The following SH3RF3 variants were observed in gnomAD, a reference collection of about 807,000 sequenced individuals.
The protein encoded by SH3RF3 is E3 ubiquitin-protein ligase SH3RF3.
A neutral mutation model predicts 66.3 loss-of-function variants in SH3RF3; 29 were observed. The ratio of observed to expected loss-of-function variants is 0.44; its 90% CI spans 0.33 to 0.60. SH3RF3 has a LOEUF of 0.60. SH3RF3 is among the 20% of genes least tolerant of loss of function. The pLI is 0.04. For synonymous variants in SH3RF3, 583 were observed against 532.0 expected (o/e 1.10, Z -1.32); for missense variants, 1,194 against 1,190.9 (o/e 1.00, Z -0.04).
chr2:109,350,976 C>T (rs537807926), intron 2 of SH3RF3, among the ~76,000 whole-genome samples: 2 of 152,308 alleles, frequency 1.3e-5, no homozygotes, highest in Non-Finnish European at 2.9e-5. Flanking sequence ...AAGATTTTTA[C>T]CTTTGGTGTT....
chr2:109,360,866 G>A (rs1242012726), intron 2 of SH3RF3, among the ~76,000 whole-genome samples: 1 of 152,118 alleles, frequency 6.6e-6, no homozygotes, highest in Non-Finnish European at 1.5e-5. Flanking sequence ...TAAAAAGCAG[G>A]GGCAGAGAGT....
chr2:109,245,066 T>C (rs939800302), intron 1 of SH3RF3, among the ~76,000 whole-genome samples: 1 of 152,196 alleles, frequency 6.6e-6, no homozygotes, highest in South Asian at 2.1e-4. Flanking sequence ...AGCCTTGTGC[T>C]GAGGGACCCA....
chr2:109,198,071 G>C (rs1214083257), intron 1 of SH3RF3, among the ~76,000 whole-genome samples: 1 of 152,152 alleles, frequency 6.6e-6, no homozygotes, highest in Non-Finnish European at 1.5e-5. Context: ...CAGTGTGTCA[G>C]TTGGGGGTGC....
chr2:109,480,575 G>T (rs369080576), intron 8 of SH3RF3, among the ~76,000 whole-genome samples: 1 of 152,166 alleles, frequency 6.6e-6, no homozygotes, highest in African/African-American at 2.4e-5. Flanking sequence ...AGGAAGTCTC[G>T]CAGGGTAGAG....
intron 4 of SH3RF3, among the ~76,000 whole-genome samples, chr2:109,417,480 C>T (rs982104855): frequency 1.1e-4 from 17 of 152,204 alleles, no homozygotes; most frequent in South Asian, 8.3e-4. Flanking sequence ...TGTTCTCACA[C>T]GGTGCTCAGC....
At chr2:109,187,197 C>T (rs530942265) in intron 1 of SH3RF3, among the ~76,000 whole-genome samples, 1 of 152,342 alleles carries the variant, frequency 6.6e-6, no homozygotes, top group East Asian at 1.9e-4. Flanking sequence ...TTCCCAAAGG[C>T]ATCGGTTTAC....
chr2:109,174,743 A>C (rs1432641172), intron 1 of SH3RF3, among the ~76,000 whole-genome samples: 1 of 152,218 alleles, frequency 6.6e-6, no homozygotes, highest in African/African-American at 2.4e-5. Context: ...TTTGGAGGAA[A>C]AGTTGGAAAT....
chr2:109,481,139 G>A (rs984351047), intron 8 of SH3RF3, among the ~76,000 whole-genome samples: 6 of 152,176 alleles, frequency 3.9e-5, no homozygotes, highest in African/African-American at 1.4e-4. Flanking sequence ...ACCCTAAGAC[G>A]TGTCAAGAAA....
At chr2:109,425,362 C>A (rs1036355637) in intron 5 of SH3RF3, among the ~76,000 whole-genome samples, 1 of 151,852 alleles carries the variant, frequency 6.6e-6, no homozygotes, top group Non-Finnish European at 1.5e-5. Context: ...ATGAAGGTGG[C>A]GACACTAAAC....
chr2:109,301,936 C>T (rs1681478373), intron 1 of SH3RF3, among the ~76,000 whole-genome samples: 1 of 152,176 alleles, frequency 6.6e-6, no homozygotes, highest in Non-Finnish European at 1.5e-5. Flanking sequence ...CATTTTCTGC[C>T]CTCCTTCCCG....
intron 2 of SH3RF3, among the ~76,000 whole-genome samples, chr2:109,362,192 G>A (rs1408599518): frequency 6.6e-6 from 1 of 152,006 alleles, no homozygotes; most frequent in Non-Finnish European, 1.5e-5. Flanking sequence ...TCTAATCGAT[G>A]CATTCAGTGC....
chr2:109,326,079 AT>A (rs1019918570), intron 1 of SH3RF3, among the ~76,000 whole-genome samples: 2 of 152,222 alleles, frequency 1.3e-5, no homozygotes, highest in South Asian at 2.1e-4. Flanking sequence ...CGTATGCCAC[AT>A]TTTCTCCACC....
chr2:109,313,156 T>A (rs924240305), intron 1 of SH3RF3, among the ~76,000 whole-genome samples: 1 of 152,198 alleles, frequency 6.6e-6, no homozygotes, highest in Non-Finnish European at 1.5e-5. Context: ...TCTGTGTGCA[T>A]GGGCTGAGCT....
intron 1 of SH3RF3, among the ~76,000 whole-genome samples, chr2:109,323,977 C>T (rs1048787532): frequency 6.6e-6 from 1 of 152,202 alleles, no homozygotes; most frequent in Non-Finnish European, 1.5e-5. Context: ...TGTTCCCCTT[C>T]CCCCAGCCCC....
chr2:109,354,599 G>A (rs1319716782), intron 2 of SH3RF3, among the ~76,000 whole-genome samples: 2 of 152,242 alleles, frequency 1.3e-5, no homozygotes, highest in Admixed American at 6.5e-5. Flanking sequence ...TTCATGCTGA[G>A]CTCCCAAATG....
intron 2 of SH3RF3, among the ~76,000 whole-genome samples, chr2:109,357,943 A>G (rs573756442): frequency 6.6e-6 from 1 of 152,274 alleles, no homozygotes; most frequent in African/African-American, 2.4e-5. Flanking sequence ...CTAAGCCTAT[A>G]GTCACTCTTG....
rs113548796 is a variant in SH3RF3 at position 109,381,237 on chromosome 2, G to A, written c.945+9556G>A. ...TGGCCCTGGAGCAGGCTGCTGGAGC[G>A]TCTGGCCTGCAGCCGGTGGAAGTAA... On this transcript the variant is annotated intron_variant, in intron 3 of 9. Coordinates refer to ENST00000309415, the MANE Select transcript of SH3RF3 (RefSeq NM_001099289.3). Among the ~76,000 whole-genome samples, 7 of 152,236 alleles carry A rather than the reference G, an allele frequency of 4.6e-5. No homozygotes were observed. The South Asian group carries it at 6.2e-4, about 13-fold the overall frequency.
chr2:109,243,827 G>A (rs1679846823), intron 1 of SH3RF3, among the ~76,000 whole-genome samples: 1 of 152,232 alleles, frequency 6.6e-6, no homozygotes, highest in African/African-American at 2.4e-5. Flanking sequence ...TTGAAAGGCT[G>A]TAATCAGGAC....
intron 1 of SH3RF3, among the ~76,000 whole-genome samples, chr2:109,194,424 A>G (rs1431880753): frequency 6.6e-6 from 1 of 152,186 alleles, no homozygotes; most frequent in Non-Finnish European, 1.5e-5. Context: ...CACAGTCTTC[A>G]GCTGCGCTCT....
Sources: allele counts gnomAD v4.1 joint callset (sites outside exome capture counted in the v4.1 genomes callset), GRCh38; gene constraint gnomAD v4.1.1; transcripts MANE v1.5; gene names NCBI Gene and HGNC (gene_info 2026-07-23, HGNC 2026-07-21).